The following GSE1 variants were observed in gnomAD, a reference collection of about 807,000 sequenced individuals.
GSE1 encodes the protein genetic suppressor element 1.
GSE1 carries 32 observed loss-of-function variants against 112.6 expected under a neutral mutation model. The observed-to-expected ratio is 0.28, with a 90% CI of 0.21 to 0.38. The LOEUF (loss-of-function observed/expected upper bound fraction) is 0.38. GSE1 is among the 10% of genes least tolerant of loss of function. GSE1 has a pLI of 1.00. For missense variants in GSE1, 2,348 were observed against 1,699.2 expected, an observed-to-expected ratio of 1.38 and a Z score of -6.71; for synonymous variants, 1,115 against 735.6, an observed-to-expected ratio of 1.52 and a Z score of -8.35.
intron 1 of GSE1, among the ~76,000 whole-genome samples, chr16:85,321,681 G>A (rs1425241299): frequency 6.6e-6 from 1 of 151,794 alleles, no homozygotes; most frequent in Non-Finnish European, 1.5e-5. Context: ...TGGGTGTGGT[G>A]GTGTGCTCCT....
intron 1 of GSE1, among the ~76,000 whole-genome samples, chr16:85,241,119 G>C (rs536394760): frequency 8.7e-4 from 133 of 152,296 alleles, no homozygotes; most frequent in African/African-American, 2.9e-3. Context: ...AGACAGACCT[G>C]AGCTTGAACC....
At position 85,296,962 on chromosome 16, in the gene GSE1, C is replaced by T. The variant is rs73253820; in HGVS notation, c.2284-60501C>T. On this transcript the variant is annotated intron_variant, in intron 1 of 2. Transcript: ENST00000637419. ...CCCCGGCGCTTCCCCGGCCAGTGCC[C>T]GATCTTTCCTCCTTTGACCTCACTC... is the stretch of plus-strand genomic sequence containing the variant. Among the ~76,000 whole-genome samples the T allele has an allele frequency of 2.8e-3, 419 of 152,312 alleles. 2 individuals are homozygous for T. The highest frequency in any genetic ancestry group is 9.4e-3 in the African/African-American group (391 of 41,576).
chr16:85,437,751 C>G (rs2049284224), intron 2 of GSE1, among the ~76,000 whole-genome samples: 1 of 152,194 alleles, frequency 6.6e-6, no homozygotes, highest in Non-Finnish European at 1.5e-5. Flanking sequence ...ATCCACAGAT[C>G]AGGGCTGGGG....
intron 2 of GSE1, among the ~76,000 whole-genome samples, chr16:85,374,290 G>A (rs555388351): frequency 2.9e-4 from 44 of 151,848 alleles, no homozygotes; most frequent in East Asian, 1.9e-4. Flanking sequence ...GTGTATGTGC[G>A]TGGTTGTGTG....
intron 1 of GSE1, among the ~76,000 whole-genome samples, chr16:85,245,672 A>C (rs1027637399): frequency 6.6e-6 from 1 of 152,192 alleles, no homozygotes; most frequent in African/African-American, 2.4e-5. Context: ...CTTCCAGTTA[A>C]TTGTATGAAC....
At chr16:85,526,214 A>ACT (rs2052360187) in intron 2 of GSE1, among the ~76,000 whole-genome samples, 1 of 152,244 alleles carries the variant, frequency 6.6e-6, no homozygotes, top group Non-Finnish European at 1.5e-5. Context: ...ACTGTGTGCC[A>ACT]GGCCCAGCTC....
intron 1 of GSE1, among the ~76,000 whole-genome samples, chr16:85,591,824 TCCCGTGTTCCTGGAGCTGA>T (rs1216900915): frequency 5.3e-5 from 8 of 151,910 alleles, no homozygotes; most frequent in Admixed American, 5.2e-4. Flanking sequence ...AAGACAAAAA[TCCCGTGTTCCTGGAGCTGA>T]CTTTCCGGAG....
chr16:85,642,491 G>C (rs907753930), intron 2 of GSE1, among the ~76,000 whole-genome samples: 3 of 152,196 alleles, frequency 2.0e-5, no homozygotes, highest in African/African-American at 7.2e-5. Flanking sequence ...CTCCTTCCAA[G>C]GGGCTGAGAC....
chr16:85,666,332 C>T lies in GSE1; in HGVS notation c.3115C>T (p.Leu1039=). The T allele has an allele frequency of 6.2e-7, 1 of 1,613,778 alleles. No individual in the cohort carries two copies. The highest frequency in any genetic ancestry group is 2.2e-5 in the East Asian group (1 of 44,884). ...ESVLQSTQKA[L]QKHKGSVAVL... is the part of the protein sequence containing the mutation. ...AGTGCTGCAGTCCACCCAGAAGGCCCTGCAGAAGCATAAAGGTAATGAGGC... is the reference window on the plus strand; with the variant it reads ...AGTGCTGCAGTCCACCCAGAAGGCCTTGCAGAAGCATAAAGGTAATGAGGC... The change falls in exon 13 of 16, where the codon CTG becomes TTG. Residue 1039 remains leucine (L), a synonymous_variant. Transcript: ENST00000253458.
intron 2 of GSE1, among the ~76,000 whole-genome samples, chr16:85,646,143 TCTAC>T (rs2050848589): frequency 8.3e-6 from 1 of 120,468 alleles, no homozygotes; most frequent in African/African-American, 3.5e-5. Flanking sequence ...ATGCATGCAT[TCTAC>T]CTGCTTCTAC....
At chr16:85,230,924 GATGA>G (rs1437441408) in intron 1 of GSE1, among the ~76,000 whole-genome samples, 8 of 151,380 alleles carry the variant, frequency 5.3e-5, no homozygotes, top group African/African-American at 1.2e-4. Context: ...TGGATGGATG[GATGA>G]ATGAATGGAT....
At chr16:85,308,482 G>A (rs1404485777) in intron 1 of GSE1, among the ~76,000 whole-genome samples, 1 of 152,088 alleles carries the variant, frequency 6.6e-6, no homozygotes, top group Admixed American at 6.6e-5. Context: ...ACAGGAATAC[G>A]GAGGGCTTCC....
chr16:85,435,059 T>G (rs1206622065), intron 2 of GSE1, among the ~76,000 whole-genome samples: 1 of 152,244 alleles, frequency 6.6e-6, no homozygotes, highest in African/African-American at 2.4e-5. Context: ...TTGATGCGCT[T>G]AATCATTTTG....
chr16:85,280,137 T>C (rs2044814343), intron 1 of GSE1, among the ~76,000 whole-genome samples: 1 of 152,198 alleles, frequency 6.6e-6, no homozygotes, highest in Admixed American at 6.5e-5. Flanking sequence ...TCGGAGCAGA[T>C]GGAACTGGCC....
chr16:85,559,856 T>G (rs974523730), intron 1 of GSE1, among the ~76,000 whole-genome samples: 1 of 152,154 alleles, frequency 6.6e-6, no homozygotes, highest in African/African-American at 2.4e-5. Context: ...GCTTTCACAT[T>G]ATAATGGCCA....
intron 2 of GSE1, among the ~76,000 whole-genome samples, chr16:85,390,775 C>T (rs2047822567): frequency 6.9e-6 from 1 of 145,636 alleles, no homozygotes; most frequent in African/African-American, 2.5e-5. Context: ...GCTGGCCTTG[C>T]CTGCTGAAAT....
rs920503900 is a variant in GSE1 at position 85,656,469 on chromosome 16, G to C, written c.1116G>C (p.Glu372Asp). ...AACGCGAGAAGGAGCGCGAGCAAGA[G>C]AAGGAGCGTGAGCGTGAGAAGGAGC... is the stretch of plus-strand genomic sequence containing the variant. ...EREREKEREQ[E>D]KEREREKERE... Residue 372 changes from glutamate to aspartate, a missense_variant, in exon 7 of 16, where the codon GAG becomes GAC. By Grantham distance (45) the Glu-to-Asp change is conservative. Transcript: ENST00000253458. 2.6e-6 allele frequency: 4 copies of C among 1,536,622 alleles called. No individual in the cohort carries two copies. In the African/African-American group the frequency reaches 5.5e-5, roughly 21 times the overall value.
chr16:85,451,780 G>A (rs2049690657), intron 2 of GSE1, among the ~76,000 whole-genome samples: 1 of 151,032 alleles, frequency 6.6e-6, no homozygotes, highest in South Asian at 2.1e-4. Flanking sequence ...TGCGTGCGCT[G>A]GTGGTGGTTG....
At chr16:85,402,488 C>G (rs1244129144) in intron 2 of GSE1, among the ~76,000 whole-genome samples, 3 of 152,150 alleles carry the variant, frequency 2.0e-5, no homozygotes, top group Admixed American at 6.5e-5. Flanking sequence ...AAAGCTGAGG[C>G]TGGAGATGGG....
Sources: allele counts gnomAD v4.1 joint callset (sites outside exome capture counted in the v4.1 genomes callset), GRCh38; gene constraint gnomAD v4.1.1; transcripts MANE v1.5; gene names NCBI Gene and HGNC (gene_info 2026-07-23, HGNC 2026-07-21).